The following RBFOX1 variants were observed in gnomAD, a reference collection of about 807,000 sequenced individuals.
RBFOX1 encodes RNA binding protein fox-1 homolog 1.
A neutral mutation model predicts 57.7 loss-of-function variants in RBFOX1; 8 were observed. The ratio of observed to expected loss-of-function variants is 0.14; its 90% confidence interval spans 0.08 to 0.25. The LOEUF is 0.25. Ranked by LOEUF, RBFOX1 falls within the 10% of genes least tolerant of loss-of-function variation. The pLI, the probability that RBFOX1 is intolerant of heterozygous loss-of-function variation, is 1.00. For synonymous variants in RBFOX1, 326 were observed against 222.4 expected (o/e 1.47, Z -4.15); for missense variants, 611 against 548.5 (o/e 1.11, Z -1.14).
intron 1 of RBFOX1, among the ~76,000 whole-genome samples, chr16:6,200,984 T>A (rs1429493442): frequency 6.6e-6 from 1 of 151,690 alleles, no homozygotes; most frequent in Non-Finnish European, 1.5e-5. Flanking sequence ...CATGAGCAAA[T>A]GTGAAATCCG....
chr16:5,759,174 C>A (rs1408525625), intron 3 of RBFOX1, among the ~76,000 whole-genome samples: 1 of 152,206 alleles, frequency 6.6e-6, no homozygotes, highest in East Asian at 1.9e-4. Flanking sequence ...ATTAGCCTAA[C>A]TTCCTATCCA....
intron 4 of RBFOX1, among the ~76,000 whole-genome samples, chr16:7,089,354 G>A (rs781303074): frequency 6.6e-6 from 1 of 152,186 alleles, no homozygotes; most frequent in Non-Finnish European, 1.5e-5. Flanking sequence ...TTTGACAGTG[G>A]AGGTTGAAGC....
chr16:6,799,916 G>C (rs915593273), intron 3 of RBFOX1, among the ~76,000 whole-genome samples: 1 of 152,158 alleles, frequency 6.6e-6, no homozygotes, highest in Non-Finnish European at 1.5e-5. Context: ...TCAGTTTGCA[G>C]ATGGCTTATA....
Position 6,078,902 on chromosome 16 carries a change from G to A in RBFOX1, c.-127+58910G>A, listed in dbSNP as rs141932013. On this transcript the variant is annotated intron_variant, in intron 1 of 15. Transcript: ENST00000550418. The stretch of plus-strand genomic sequence containing the variant: ...ACTGTGCATGGTGGATCTTGTTAAT[G>A]TGGTAAAAATGTCATCTGTCACAGC... Among the ~76,000 whole-genome samples the A allele has an allele frequency of 5.4e-4, 83 of 152,326 alleles. 1 individual carries two copies. Among genetic ancestry groups the A allele is most frequent in the African/African-American group, 1.8e-3 (75 of 41,572 alleles).
At position 6,826,354 on chromosome 16, in the gene RBFOX1, A is replaced by G. The variant is rs534159935; in HGVS notation, c.-16+171704A>G. On this transcript the variant is annotated intron_variant, in intron 3 of 15. Transcript: ENST00000550418. ...ATGGGGAGACCCCCTTCTTATTTAC[A>G]GAAAAAGGGAGGGGTGCTTAGAACA... is the stretch of plus-strand genomic sequence containing the variant. Among the ~76,000 whole-genome samples, 12 of 152,254 alleles carry G rather than the reference A, an allele frequency of 7.9e-5. No individual in the cohort carries two copies. In the South Asian group the frequency reaches 2.3e-3, roughly 29 times the overall value.
intron 3 of RBFOX1, among the ~76,000 whole-genome samples, chr16:5,605,963 C>T (rs571511036): frequency 6.6e-6 from 1 of 152,244 alleles, no homozygotes; most frequent in African/African-American, 2.4e-5. Context: ...CATTGCTTCT[C>T]TTTCTGTATA....
At position 6,578,598 on chromosome 16, in the gene RBFOX1, C is replaced by CGTGTGTGTGTGTGTGTGTGTGTGTGTGT. The variant is rs57470848; in HGVS notation, c.-63-75990_-63-75989insTGTGTGTGTGTGTGTGTGTGTGTGTGTG. On this transcript the variant is annotated intron_variant, in intron 2 of 15. Coordinates refer to ENST00000550418, the MANE Select transcript of RBFOX1 (RefSeq NM_018723.4). ...TCGGCTATGGGTATTGGTGTGTGTG[C>CGTGTGTGTGTGTGTGTGTGTGTGTGTGT]GTGTGTGTGTGTGTGAGCATGGGAG... Among the ~76,000 whole-genome samples, 31 of 110,744 alleles carry CGTGTGTGTGTGTGTGTGTGTGTGTGTGT rather than the reference C, an allele frequency of 2.8e-4. No homozygotes were observed. In the East Asian group the frequency reaches 3.9e-3, roughly 14 times the overall value. The allele number at this position is 110,744 out of a possible 152,430, so 72.7% of individuals were successfully genotyped here.
intron 3 of RBFOX1, among the ~76,000 whole-genome samples, chr16:6,853,508 T>A (rs1401331106): frequency 6.6e-6 from 1 of 152,094 alleles, no homozygotes; most frequent in Non-Finnish European, 1.5e-5. Flanking sequence ...ACAATCCCTG[T>A]CTGCTTGGGA....
intron 3 of RBFOX1, among the ~76,000 whole-genome samples, chr16:6,782,479 A>T (rs1406699220): frequency 6.6e-6 from 1 of 151,722 alleles, no homozygotes; most frequent in African/African-American, 2.4e-5. Context: ...TGATCTCTTC[A>T]TGTTTTCTAT....
chr16:6,110,851 C>T (rs1166913477), intron 1 of RBFOX1, among the ~76,000 whole-genome samples: 1 of 152,166 alleles, frequency 6.6e-6, no homozygotes, highest in African/African-American at 2.4e-5. Flanking sequence ...GCTAATAATT[C>T]TCCAGTGCAC....
chr16:5,958,127 T>C (rs561414035), intron 4 of RBFOX1, among the ~76,000 whole-genome samples: 3 of 152,220 alleles, frequency 2.0e-5, no homozygotes, highest in Non-Finnish European at 4.4e-5. Context: ...ACTACCTTTG[T>C]AGTGTTTGGG....
At position 7,585,820 on chromosome 16, in the gene RBFOX1, C is replaced by G. The variant is rs990270765; in HGVS notation, c.415-1427C>G. Among the ~76,000 whole-genome samples the G allele has an allele frequency of 8.5e-5, 13 of 152,136 alleles. No homozygotes were observed. In the East Asian group the frequency reaches 1.9e-3, roughly 23 times the overall value. On this transcript the variant is annotated intron_variant, in intron 6 of 15. Coordinates refer to ENST00000550418, the MANE Select transcript of RBFOX1 (RefSeq NM_018723.4). Reference sequence around the variant, plus strand: ...GTAGGACCCTCTTGACATTCACTCTCTGTGTCTCTGGATACTCTATGACTG... The same window carrying G: ...GTAGGACCCTCTTGACATTCACTCTGTGTGTCTCTGGATACTCTATGACTG...
intron 4 of RBFOX1, among the ~76,000 whole-genome samples, chr16:7,374,346 A>G (rs747975948): frequency 6.6e-6 from 1 of 152,196 alleles, no homozygotes; most frequent in Non-Finnish European, 1.5e-5. Flanking sequence ...AACACTAAAT[A>G]AATATTCCTG....
chr16:6,408,104 C>T (rs2093347583), intron 2 of RBFOX1, among the ~76,000 whole-genome samples: 1 of 152,136 alleles, frequency 6.6e-6, no homozygotes, highest in Non-Finnish European at 1.5e-5. Context: ...CACTGGACGT[C>T]AAATCTGTCG....
chr16:7,671,417 G>A (rs939926160), intron 13 of RBFOX1: 1 of 702,520 alleles, frequency 1.4e-6, no homozygotes, highest in African/African-American at 1.8e-5. Flanking sequence ...TTTCAGCTTG[G>A]TGGGCCAGTC....
chr16:7,138,016 C>T (rs547313794), intron 4 of RBFOX1, among the ~76,000 whole-genome samples: 44 of 152,142 alleles, frequency 2.9e-4, no homozygotes, highest in African/African-American at 9.4e-4. Flanking sequence ...GTAACTTGCC[C>T]GAGGTGACAC....
chr16:6,665,270 C>T (rs1033930810), intron 3 of RBFOX1, among the ~76,000 whole-genome samples: 3 of 152,048 alleles, frequency 2.0e-5, no homozygotes, highest in Admixed American at 1.3e-4. Flanking sequence ...TTCCCTCAGC[C>T]ACCCCAGCAG....
intron 1 of RBFOX1, among the ~76,000 whole-genome samples, chr16:6,294,193 A>G (rs1001180942): frequency 6.6e-6 from 1 of 152,132 alleles, no homozygotes; most frequent in Non-Finnish European, 1.5e-5. Flanking sequence ...AAAGAAAACA[A>G]AAATAGATTT....
chr16:5,402,070 A>C (rs1450482170), intron 1 of RBFOX1, among the ~76,000 whole-genome samples: 1 of 152,074 alleles, frequency 6.6e-6, no homozygotes, highest in African/African-American at 2.4e-5. Context: ...AAGGCATTGG[A>C]GAGTACTCCC....
Sources: gnomAD v4.1 joint callset for allele counts (sites outside exome capture counted in the v4.1 genomes callset) on GRCh38, gnomAD v4.1.1 for gene constraint, MANE v1.5 for transcripts, NCBI Gene and HGNC (gene_info 2026-07-23, HGNC 2026-07-21) for gene names.